The following MAPK10 variants were observed in gnomAD, a reference collection of about 807,000 sequenced individuals.
MAPK10 encodes the protein mitogen-activated protein kinase 10, also known as JNK3 alpha protein kinase.
Under a neutral mutation model 59.3 loss-of-function variants are expected in MAPK10, and 25 were observed. The ratio of observed to expected loss-of-function variants is 0.42; its 90% confidence interval spans 0.31 to 0.59. MAPK10 has a LOEUF of 0.59. MAPK10 is among the 20% of genes least tolerant of loss of function. The pLI, the probability that MAPK10 is intolerant of heterozygous loss-of-function variation, is 0.15. For synonymous variants in MAPK10, 190 were observed against 200.5 expected, an observed-to-expected ratio of 0.95 and a Z score of 0.44; for missense variants, 351 against 568.9, an observed-to-expected ratio of 0.62 and a Z score of 3.90.
intron 1 of MAPK10, among the ~76,000 whole-genome samples, chr4:86,555,595 T>A (rs973829925): frequency 6.6e-6 from 1 of 152,228 alleles, no homozygotes; most frequent in African/African-American, 2.4e-5. Context: ...CTGAAATAAA[T>A]TCTTGAGCAA....
chr4:86,297,725 GA>G (rs2095393944), intron 2 of MAPK10, among the ~76,000 whole-genome samples: 1 of 137,592 alleles, frequency 7.3e-6, no homozygotes, highest in Admixed American at 7.6e-5. Flanking sequence ...TTATTACCCG[GA>G]CGATTTTTCT....
intron 4 of MAPK10, among the ~76,000 whole-genome samples, chr4:86,154,804 G>C (rs1441979899): frequency 1.3e-5 from 2 of 152,148 alleles, no homozygotes; most frequent in African/African-American, 2.4e-5. Flanking sequence ...TACTAAAGAT[G>C]ATAATATAAG....
At chr4:86,271,176 C>T (rs182992419) in intron 2 of MAPK10, among the ~76,000 whole-genome samples, 78 of 152,086 alleles carry the variant, frequency 5.1e-4, no homozygotes, top group Non-Finnish European at 9.6e-4. Flanking sequence ...TCATCACCAA[C>T]ATTTAATATC....
At chr4:86,064,133 C>CA (rs1214768404) in intron 11 of MAPK10, 133 bp downstream of exon 11, 3 of 1,019,988 alleles carry the variant, frequency 2.9e-6, no homozygotes, top group Admixed American at 4.8e-5. Flanking sequence ...TTTAGAGGGG[C>CA]AGATAATAGG....
intron 1 of MAPK10, among the ~76,000 whole-genome samples, chr4:86,404,131 AT>A (rs1744068460): frequency 6.6e-6 from 1 of 152,108 alleles, no homozygotes; most frequent in East Asian, 1.9e-4. Flanking sequence ...TTAGCTATTT[AT>A]TTTATGTCTC....
At position 86,038,547 on chromosome 4, in the gene MAPK10, T is replaced by G. The variant is rs748885280; in HGVS notation, c.1111-7116A>C. ...TTTCCTTGAATCTCTACACATAGAG[T>G]TTTCTAATTTTTTTTTTCTTAATTT... On this transcript the variant is annotated intron_variant, in intron 11 of 13. Coordinates refer to ENST00000641462, the MANE Select transcript of MAPK10 (RefSeq NM_138982.4). Among the ~76,000 whole-genome samples the G allele has an allele frequency of 5.2e-4, 61 of 117,862 alleles. No homozygotes were observed. In the Middle Eastern group the frequency reaches 0.02, roughly 38 times the overall value. 77.3% of individuals were successfully genotyped at this position (117,862 alleles called of 152,430 possible).
chr4:86,102,911 A>G (rs1269508205), intron 6 of MAPK10: 3 of 255,720 alleles, frequency 1.2e-5, no homozygotes, highest in Non-Finnish European at 2.2e-5. Flanking sequence ...CTGAGTGACC[A>G]AGAGCATGGA....
At chr4:86,249,180 A>G (rs1583474589) in intron 2 of MAPK10, among the ~76,000 whole-genome samples, 1 of 146,904 alleles carries the variant, frequency 6.8e-6, no homozygotes, top group Non-Finnish European at 1.5e-5. Context: ...ACACACACAC[A>G]CCATATGCTT....
Position 86,074,893 on chromosome 4 carries a change from A to C in MAPK10, c.803-6938T>G, listed in dbSNP as rs200850144. Among the ~76,000 whole-genome samples the C allele has an allele frequency of 3.4e-3, 441 of 129,074 alleles. 14 individuals are homozygous for C. In the East Asian group the frequency reaches 0.08, roughly 23 times the overall value. 84.7% of individuals were successfully genotyped at this position (129,074 alleles called of 152,430 possible). ...TGTCTTGGAGTTGCTCTTCTCGAGGAGTATCTTTGTGGCGTTCTCTGTATT... is the reference window on the plus strand; with the variant it reads ...TGTCTTGGAGTTGCTCTTCTCGAGGCGTATCTTTGTGGCGTTCTCTGTATT... On this transcript the variant is annotated intron_variant, in intron 9 of 13. Coordinates refer to ENST00000641462, the MANE Select transcript of MAPK10 (RefSeq NM_138982.4).
At chr4:86,327,601 T>A (rs1282133671) in intron 2 of MAPK10, 1 of 151,802 alleles carries the variant, frequency 6.6e-6, no homozygotes, top group African/African-American at 2.4e-5. Context: ...TTCAATATCC[T>A]ACATAATGCT....
intron 1 of MAPK10, among the ~76,000 whole-genome samples, chr4:86,479,452 C>T (rs1469624445): frequency 6.7e-6 from 1 of 148,580 alleles, no homozygotes; most frequent in Admixed American, 6.9e-5. Context: ...GACACTAGAC[C>T]AACTTGGACT....
At chr4:86,140,892 A>G (rs2063505666) in intron 4 of MAPK10, among the ~76,000 whole-genome samples, 1 of 152,166 alleles carries the variant, frequency 6.6e-6, no homozygotes, top group Non-Finnish European at 1.5e-5. Flanking sequence ...AATACTTTGC[A>G]AAGTGTCAAA....
chr4:86,288,427 A>G (rs1396988476), intron 2 of MAPK10, among the ~76,000 whole-genome samples: 1 of 149,036 alleles, frequency 6.7e-6, no homozygotes, highest in Non-Finnish European at 1.5e-5. Flanking sequence ...TTTTTTAGCT[A>G]TAAAAACCAT....
chr4:86,503,838 CA>C (rs1229903822), intron 1 of MAPK10, among the ~76,000 whole-genome samples: 1 of 152,038 alleles, frequency 6.6e-6, no homozygotes, highest in Non-Finnish European at 1.5e-5. Flanking sequence ...TACCAGACCC[CA>C]TCATCTACCA....
intron 2 of MAPK10, among the ~76,000 whole-genome samples, chr4:86,252,198 T>A (rs2093477119): frequency 7.9e-6 from 1 of 126,086 alleles, no homozygotes; most frequent in Admixed American, 7.3e-5. Flanking sequence ...TTGTCAATTT[T>A]GGCTTTGGTT....
At chr4:86,067,743 T>C (rs537086620) in intron 10 of MAPK10, 30 bp downstream of exon 10, 2 of 1,580,778 alleles carry the variant, frequency 1.3e-6, no homozygotes, top group Admixed American at 1.8e-5. Context: ...ACCCTCATAG[T>C]TGTCCTCAAG....
At chr4:86,410,240 A>C (rs1228686252) in intron 1 of MAPK10, among the ~76,000 whole-genome samples, 1 of 152,226 alleles carries the variant, frequency 6.6e-6, no homozygotes, top group African/African-American at 2.4e-5. Flanking sequence ...CTTGCATCCC[A>C]GGGATGAAGC....
chr4:86,212,891 T>C (rs930375800), intron 2 of MAPK10, among the ~76,000 whole-genome samples: 3 of 152,102 alleles, frequency 2.0e-5, no homozygotes, highest in African/African-American at 7.2e-5. Flanking sequence ...CAATAGCTAA[T>C]AGACGTATAC....
In MAPK10 at chr4:86,135,271, G is replaced by C. The variant is rs1311004186; in HGVS notation, c.236+24027C>G. Among the ~76,000 whole-genome samples, 3 of 152,214 alleles carry C rather than the reference G, an allele frequency of 2.0e-5. No homozygotes were observed. In the East Asian group the frequency reaches 5.8e-4, roughly 29 times the overall value. On this transcript the variant is annotated intron_variant, in intron 4 of 13. Transcript: ENST00000641462. ...CAAAAAGCCAGCAGTAACCTCTGCA[G>C]ACTTAAATGTCCCTGTCTGACAGCT...
Sources: allele counts gnomAD v4.1 joint callset (sites outside exome capture counted in the v4.1 genomes callset), GRCh38; gene constraint gnomAD v4.1.1; transcripts MANE v1.5; gene names NCBI Gene and HGNC (gene_info 2026-07-23, HGNC 2026-07-21).